The following DSE variants were observed in gnomAD, a reference collection of about 807,000 sequenced individuals.
The protein encoded by DSE is dermatan-sulfate epimerase.
In DSE, 36 loss-of-function variants were observed where a neutral mutation model predicts 84.4. That is an observed-to-expected ratio of 0.43 (90% CI 0.33 to 0.56). The LOEUF (loss-of-function observed/expected upper bound fraction) is 0.56. Among genes scored for constraint, DSE ranks in the 20% least tolerant of loss-of-function variants. The probability of loss-of-function intolerance (pLI) is 0.06; values close to 1 mark genes in which losing one functional copy is unlikely to be tolerated. For synonymous variants in DSE, 410 were observed against 430.1 expected (o/e 0.95, Z 0.58); for missense variants, 862 against 1,169.6 (o/e 0.74, Z 3.84).
At chr6:116,373,648 A>G (rs1356562512) in intron 1 of DSE, among the ~76,000 whole-genome samples, 1 of 152,242 alleles carries the variant, frequency 6.6e-6, no homozygotes, top group African/African-American at 2.4e-5. Context: ...GTCCGGTTCA[A>G]TATCTCGCAG....
At chr6:116,369,913 C>T, upstream of DSE, 2 of 1,289,352 alleles carry the variant, frequency 1.6e-6, no homozygotes, top group Non-Finnish European at 2.0e-6. Context: ...AAATATCTCT[C>T]ATTCTAATGA....
intron 2 of DSE, among the ~76,000 whole-genome samples, chr6:116,265,424 G>T (rs975688769): frequency 6.6e-6 from 1 of 152,146 alleles, no homozygotes; most frequent in African/African-American, 2.4e-5. Flanking sequence ...CAGTCAGCAG[G>T]GGGAGTGGAG....
chr6:116,317,409 C>T (rs1776045822), intron 2 of DSE, among the ~76,000 whole-genome samples: 1 of 152,236 alleles, frequency 6.6e-6, no homozygotes, highest in African/African-American at 2.4e-5. Context: ...GGAAGTTACT[C>T]TTGGATATGT....
intron 1 of DSE, chr6:116,255,485 C>G (rs1195108352): frequency 6.6e-6 from 1 of 152,230 alleles, no homozygotes; most frequent in Non-Finnish European, 1.5e-5. Flanking sequence ...GACCTCTTTA[C>G]TGCCTGCCAG....
At chr6:116,400,746 A>T (rs1382361478) in intron 2 of DSE, 5 of 152,172 alleles carry the variant, frequency 3.3e-5, no homozygotes, top group Non-Finnish European at 5.9e-5. Context: ...ATTTATTTCA[A>T]AGCTTAGCCA....
chr6:116,421,380 A>G (rs117689900), intron 2 of DSE, among the ~76,000 whole-genome samples: 4,780 of 146,314 alleles, frequency 0.033, 129 homozygotes, highest in Middle Eastern at 0.11. Flanking sequence ...TCATATTTAT[A>G]TATTGTCAAA....
intron 2 of DSE, among the ~76,000 whole-genome samples, chr6:116,364,994 G>A (rs969197171): frequency 2.6e-5 from 4 of 151,632 alleles, no homozygotes; most frequent in Non-Finnish European, 5.9e-5. Context: ...CACCATGCCC[G>A]GCTAATTTTT....
chr6:116,258,573 G>C (rs1163128052), exon 2 of DSE: 2 of 1,590,040 alleles, frequency 1.3e-6, no homozygotes, highest in South Asian at 2.2e-5. Flanking sequence ...AGGAGCCCTT[G>C]GCAGCATTGA....
chr6:116,266,186 C>T (rs2114606500), intron 2 of DSE, among the ~76,000 whole-genome samples: 1 of 152,314 alleles, frequency 6.6e-6, no homozygotes, highest in Middle Eastern at 3.4e-3. Context: ...TAATCAATGG[C>T]ATCTTACAAC....
chr6:116,385,457 A>G (rs150231476), intron 1 of DSE, among the ~76,000 whole-genome samples: 18 of 151,994 alleles, frequency 1.2e-4, no homozygotes, highest in African/African-American at 4.3e-4. Flanking sequence ...TGGATTCTGG[A>G]CGGATTTGGA....
Position 116,385,495 on chromosome 6 carries a change from T to G in DSE, c.-53-13703T>G, listed in dbSNP as rs1008805714. On this transcript the variant is annotated intron_variant, in intron 1 of 5. Coordinates refer to ENST00000644252, the MANE Select transcript of DSE (RefSeq NM_013352.4). ...AGAGCCAACAGAATATGCTGATAGT[T>G]TGGATATGGAGAGTGAAATAGGGAA... 3.3e-5 allele frequency among the ~76,000 whole-genome samples: 5 copies of G among 151,734 alleles called. No homozygotes were observed. In the East Asian group the frequency reaches 7.8e-4, roughly 24 times the overall value.
intron 1 of DSE, among the ~76,000 whole-genome samples, chr6:116,381,697 G>A (rs1436403540): frequency 1.3e-5 from 2 of 152,126 alleles, no homozygotes; most frequent in African/African-American, 2.4e-5. Context: ...CACTTGGCAA[G>A]CACAATAAAG....
At chr6:116,398,418 A>G (rs1166216942) in intron 1 of DSE, among the ~76,000 whole-genome samples, 1 of 152,236 alleles carries the variant, frequency 6.6e-6, no homozygotes, top group African/African-American at 2.4e-5. Context: ...CCATATGCCA[A>G]ATGAAAAAGT....
At chr6:116,396,558 TC>T (rs1449818517) in intron 1 of DSE, among the ~76,000 whole-genome samples, 1 of 152,240 alleles carries the variant, frequency 6.6e-6, no homozygotes, top group African/African-American at 2.4e-5. Flanking sequence ...CTGCTCTGAC[TC>T]CCTTGCACGA....
chr6:116,263,356 CCTT>C (rs1772491299), intron 2 of DSE, among the ~76,000 whole-genome samples: 1 of 135,868 alleles, frequency 7.4e-6, no homozygotes, highest in South Asian at 3.0e-4. Flanking sequence ...TATGTAATGC[CCTT>C]CTTTGTCTTT....
intron 1 of DSE, among the ~76,000 whole-genome samples, chr6:116,381,419 T>C (rs1329399005): frequency 2.0e-5 from 3 of 152,124 alleles, no homozygotes; most frequent in African/African-American, 7.2e-5. Flanking sequence ...CTGAGGGAAA[T>C]ACAGGCTCTT....
At chr6:116,320,980 A>G (rs952223368) in intron 2 of DSE, among the ~76,000 whole-genome samples, 1 of 152,190 alleles carries the variant, frequency 6.6e-6, no homozygotes. Context: ...AGATTGAGAT[A>G]GAGCTGACAT....
intron 2 of DSE, among the ~76,000 whole-genome samples, chr6:116,297,969 T>A (rs1774773379): frequency 6.6e-6 from 1 of 152,214 alleles, no homozygotes; most frequent in African/African-American, 2.4e-5. Context: ...GGAAATTCAT[T>A]GTTAAAACTG....
chr6:116,317,630 A>G (rs1776063348), intron 2 of DSE, among the ~76,000 whole-genome samples: 1 of 152,260 alleles, frequency 6.6e-6, no homozygotes, highest in Non-Finnish European at 1.5e-5. Flanking sequence ...TGTTTGTATC[A>G]TGTATATGTA....
Sources: gnomAD v4.1 joint callset for allele counts (sites outside exome capture counted in the v4.1 genomes callset) on GRCh38, gnomAD v4.1.1 for gene constraint, MANE v1.5 for transcripts, NCBI Gene and HGNC (gene_info 2026-07-23, HGNC 2026-07-21) for gene names.